The following CYLD variants were observed in gnomAD, a reference collection of about 807,000 sequenced individuals.
The protein encoded by CYLD is ubiquitin carboxyl-terminal hydrolase CYLD.
A neutral mutation model predicts 104.5 loss-of-function variants in CYLD; 26 were observed. The ratio of observed to expected loss-of-function variants is 0.25; its 90% CI spans 0.18 to 0.35. CYLD has a LOEUF of 0.35. CYLD is among the 10% of genes least tolerant of loss of function. The probability of loss-of-function intolerance (pLI) is 1.00; values close to 1 mark genes in which losing one functional copy is unlikely to be tolerated. For synonymous variants in CYLD, 385 were observed against 399.9 expected, an observed-to-expected ratio of 0.96 and a Z score of 0.45; for missense variants, 703 against 1,136.1, an observed-to-expected ratio of 0.62 and a Z score of 5.48.
Position 50,782,525 on chromosome 16 carries a change from G to GGT in CYLD, c.1826+75_1826+76dup, listed in dbSNP as rs533669286. 0.076 allele frequency: 109,468 copies of GGT among 1,446,740 alleles called. 2,098 individuals are homozygous for GGT. The highest frequency in any genetic ancestry group is 0.2 in the South Asian group (16,880 of 84,192). 89.6% of individuals were successfully genotyped at this position (1,446,740 alleles called of 1,614,324 possible). On this transcript the variant is annotated intron_variant, in intron 11 of 18. Transcript: ENST00000427738. ...GTGCCATGAGGCAGGGACACATACC[G>GGT]GTGTGTGTGTGTGTGTGCGTGTGAG...
intron 5 of CYLD, among the ~76,000 whole-genome samples, chr16:50,774,569 A>C (rs1047801753): frequency 1.5e-4 from 23 of 152,218 alleles, no homozygotes; most frequent in Non-Finnish European, 2.9e-4. Context: ...GAATGTAAGC[A>C]CTGTGATACT....
chr16:50,775,073 C>A (rs2150978833), intron 5 of CYLD, 93 bp from the exon 6 acceptor site: 1 of 1,029,398 alleles, frequency 9.7e-7, no homozygotes, highest in South Asian at 1.4e-5. Flanking sequence ...TAAGAAAAGT[C>A]TTTTCCTTGT....
At chr16:50,755,698 G>A (rs1190874066) in intron 5 of CYLD, among the ~76,000 whole-genome samples, 1 of 152,042 alleles carries the variant, frequency 6.6e-6, no homozygotes, top group African/African-American at 2.4e-5. Flanking sequence ...GTCTAAAAGT[G>A]GGCTAATGTC....
In CYLD at chr16:50,762,664, G is replaced by A. The variant is rs576222946; in HGVS notation, c.913+8240G>A. On this transcript the variant is annotated intron_variant, in intron 5 of 18. Coordinates refer to ENST00000427738, the MANE Select transcript of CYLD (RefSeq NM_001378743.1). Reference sequence around the variant, plus strand: ...ATTTTGGAATTGCAATTAATCTGTAGAACAATTGGAGGAGAATTGACATTT... The same window carrying A: ...ATTTTGGAATTGCAATTAATCTGTAAAACAATTGGAGGAGAATTGACATTT... 6.6e-5 allele frequency among the ~76,000 whole-genome samples: 10 copies of A among 152,276 alleles called. No homozygotes were observed. In the South Asian group the frequency reaches 1.9e-3, roughly 28 times the overall value.
chr16:50,755,072 T>TATATATACATATAG, intron 5 of CYLD, among the ~76,000 whole-genome samples: 7 of 74,586 alleles, frequency 9.4e-5, no homozygotes, highest in Non-Finnish European at 1.4e-4. Context: ...TATAGATATG[T>TATATATACATATAG]ATACATATAC....
At chr16:50,757,705 G>A (rs1405638374) in intron 5 of CYLD, among the ~76,000 whole-genome samples, 1 of 151,668 alleles carries the variant, frequency 6.6e-6, no homozygotes, top group Non-Finnish European at 1.5e-5. Context: ...CCCGGCTAAT[G>A]TTTTGTATCT....
At chr16:50,746,092 C>G (rs117388257) in intron 2 of CYLD, among the ~76,000 whole-genome samples, 1 of 152,170 alleles carries the variant, frequency 6.6e-6, no homozygotes, top group Non-Finnish European at 1.5e-5. Context: ...GGCTGAAGTG[C>G]GGTGGCGTGA....
At chr16:50,754,114 C>T (rs929616784) in intron 4 of CYLD, among the ~76,000 whole-genome samples, 1 of 152,044 alleles carries the variant, frequency 6.6e-6, no homozygotes, top group African/African-American at 2.4e-5. Flanking sequence ...TCTCATTTCC[C>T]TAAAGAAAAA....
intron 14 of CYLD, among the ~76,000 whole-genome samples, chr16:50,789,370 C>T (rs1303587473): frequency 6.6e-6 from 1 of 152,120 alleles, no homozygotes; most frequent in African/African-American, 2.4e-5. Context: ...CAGTTGTTTT[C>T]ATCGTTTTTA....
rs751857673 is a variant in CYLD at position 50,798,138 on chromosome 16, A to G, written c.*1630A>G. ...CTAGCTCTGACAGCCTAGAAGTCCA[A>G]TCACCCTGTAATAAATATGTGTTGA... is the stretch of plus-strand genomic sequence containing the variant. On this transcript the variant is annotated 3_prime_UTR_variant, in exon 19 of 19. Coordinates refer to ENST00000427738, the MANE Select transcript of CYLD (RefSeq NM_001378743.1). 8.6e-6 allele frequency: 2 copies of G among 231,354 alleles called. No individual in the cohort carries two copies. The highest frequency in any genetic ancestry group is 1.7e-5 in the Non-Finnish European group (2 of 116,870). The allele number at this position is 231,354 out of a possible 1,614,324, so 14.3% of individuals were successfully genotyped here. A position where few individuals can be genotyped will look rare whatever the true frequency, so the allele number is the denominator to read the frequency against.
intron 2 of CYLD, 39 bp from the exon 3 acceptor site, chr16:50,749,537 C>T: frequency 2.9e-6 from 2 of 690,302 alleles, no homozygotes; most frequent in South Asian, 2.0e-5. Flanking sequence ...TTTATTTTTG[C>T]TTTTTCACTA....
chr16:50,757,162 T>C (rs573422003), intron 5 of CYLD, among the ~76,000 whole-genome samples: 4 of 152,258 alleles, frequency 2.6e-5, no homozygotes, highest in Admixed American at 2.6e-4. Context: ...ATGAAAGGGC[T>C]AATACTAGAT....
chr16:50,747,661 A>C (rs1258534510), intron 2 of CYLD, among the ~76,000 whole-genome samples: 2 of 152,190 alleles, frequency 1.3e-5, no homozygotes, highest in African/African-American at 4.8e-5. Context: ...CCTTATAAGG[A>C]GTTTTGTTTA....
At chr16:50,742,696 C>T in intron 1 of CYLD, 66 bp from the exon 2 acceptor site, 1 of 398,198 alleles carries the variant, frequency 2.5e-6, no homozygotes, top group Non-Finnish European at 4.4e-6. Context: ...GTGTTGGTGG[C>T]TCCCGTCCAG....
At chr16:50,759,632 C>G (rs1044185127) in intron 5 of CYLD, among the ~76,000 whole-genome samples, 2 of 152,230 alleles carry the variant, frequency 1.3e-5, no homozygotes, top group Admixed American at 1.3e-4. Flanking sequence ...TTCACTCTCA[C>G]TGCTTCATAG....
At chr16:50,785,988 A>G (rs1274869783) in intron 12 of CYLD, 3 of 152,204 alleles carry the variant, frequency 2.0e-5, no homozygotes, top group Non-Finnish European at 4.4e-5. Flanking sequence ...TAGTAAACTT[A>G]TGGTAGCCGC....
rs1451100613 is a variant in CYLD at position 50,750,063 on chromosome 16, G to C, written c.365G>C (p.Gly122Ala). The C allele has an allele frequency of 6.2e-7, 1 of 1,614,114 alleles. No homozygotes were observed. ...LFKNRNRLSK[G>A]LQIDVGCPVK... ...AAAAACAGAAACAGACTAAGTAAAG[G>C]CCTCCAAATAGACGTGGGCTGTCCT... Residue 122 changes from glycine (G) to alanine (A), a missense_variant, in exon 3 of 19, where the codon GGC becomes GCC. Gly to Ala is a moderately conservative substitution (Grantham distance 60, BLOSUM62 0). Coordinates refer to ENST00000427738, the MANE Select transcript of CYLD (RefSeq NM_001378743.1).
Position 50,800,136 on chromosome 16 carries a change from C to T in CYLD, c.*3628C>T, listed in dbSNP as rs2084715810. On this transcript the variant is annotated 3_prime_UTR_variant, in exon 19 of 19. Transcript: ENST00000427738. Reference sequence around the variant, plus strand: ...GTACACTTAGACAACAGCTTGACCTCTTGAGCTTTAGTTTCCTCCTCTGCA... The same window carrying T: ...GTACACTTAGACAACAGCTTGACCTTTTGAGCTTTAGTTTCCTCCTCTGCA... The T allele has an allele frequency of 4.3e-6, 1 of 232,862 alleles. No individual in the cohort carries two copies. The highest frequency in any genetic ancestry group is 5.6e-5 in the Admixed American group (1 of 17,754). 14.4% of individuals were successfully genotyped at this position (232,862 alleles called of 1,614,324 possible). A position where few individuals can be genotyped will look rare whatever the true frequency, so the allele number is the denominator to read the frequency against.
At chr16:50,776,729 G>A (rs568142713) in intron 7 of CYLD, among the ~76,000 whole-genome samples, 4 of 152,320 alleles carry the variant, frequency 2.6e-5, no homozygotes, top group Non-Finnish European at 4.4e-5. Flanking sequence ...CTCACAATAT[G>A]TGTGGAGCTT....
Sources: gnomAD v4.1 joint callset for allele counts (sites outside exome capture counted in the v4.1 genomes callset) on GRCh38, gnomAD v4.1.1 for gene constraint, MANE v1.5 for transcripts, NCBI Gene and HGNC (gene_info 2026-07-23, HGNC 2026-07-21) for gene names.